Variants in RNF180 observed in about 807,000 individuals in gnomAD.
RNF180 encodes the protein ring finger protein 180.
In RNF180, 38 loss-of-function variants were observed where a neutral mutation model predicts 59.2. The observed-to-expected ratio is 0.64, with a 90% CI of 0.50 to 0.84. The LOEUF is 0.84. Among genes scored for constraint, RNF180 ranks in the 40% least tolerant of loss-of-function variants. RNF180 has a pLI of 0.00. For missense variants in RNF180, 705 were observed against 700.9 expected (o/e 1.01, Z -0.07); for synonymous variants, 262 against 240.3 (o/e 1.09, Z -0.84).
At chr5:64,359,491 T>C (rs909253278) in intron 7 of RNF180, among the ~76,000 whole-genome samples, 6 of 151,842 alleles carry the variant, frequency 4.0e-5, no homozygotes, top group African/African-American at 1.5e-4. Context: ...TGTTTGTTTT[T>C]TTCTTGTAAA....
At chr5:64,166,350 T>C (rs754921735) in intron 1 of RNF180, 1 of 152,686 alleles carries the variant, frequency 6.5e-6, no homozygotes, top group Non-Finnish European at 1.5e-5. Context: ...AACTGCGTCT[T>C]GTTTAATTTC....
chr5:64,213,759 T>C lies in RNF180; in HGVS notation c.433T>C (p.Ser145Pro). The change falls in exon 4 of 8, where the codon TCA becomes CCA. Residue 145 changes from serine (S) to proline (P), a missense_variant. Physicochemically the swap from Ser to Pro is moderately conservative, Grantham distance 74. Transcript: ENST00000389100. The part of the protein sequence containing the change: ...VKYLSHPRVQ[S>P]GCDKEALLTG... ...ATACTTGTCACATCCTAGAGTTCAG[T>C]CAGGTTGTGACAAGGAAGCTCTGCT... is the stretch of plus-strand genomic sequence containing the variant. 6.2e-7 allele frequency: 1 copy of C among 1,614,128 alleles called. No homozygotes were observed. Among genetic ancestry groups the C allele is most frequent in the East Asian group, 2.2e-5 (1 of 44,882 alleles).
Position 64,214,523 on chromosome 5 carries a change from A to G in RNF180, c.1191+6A>G. 6.2e-7 allele frequency: 1 copy of G among 1,605,198 alleles called. No individual in the cohort carries two copies. Among genetic ancestry groups the G allele is most frequent in the Non-Finnish European group, 8.5e-7 (1 of 1,175,042 alleles). On this transcript the variant is annotated splice_donor_region_variant and intron_variant, in intron 4 of 7. Transcript: ENST00000389100. Reference sequence around the variant, plus strand: ...AAAGATGGCTACAGAAGCAGGTAATATTTTTCAAAAGAGTTTACTAAAAAT... The same window carrying G: ...AAAGATGGCTACAGAAGCAGGTAATGTTTTTCAAAAGAGTTTACTAAAAAT...
chr5:64,346,351 C>CTTT (rs1745554217), intron 7 of RNF180, among the ~76,000 whole-genome samples: 3 of 53,610 alleles, frequency 5.6e-5, no homozygotes, highest in Admixed American at 1.8e-4. Context: ...TTCTTTTTTT[C>CTTT]TTTTCTTCTT....
chr5:64,178,318 C>G (rs1333667235), intron 1 of RNF180, among the ~76,000 whole-genome samples: 7 of 152,066 alleles, frequency 4.6e-5, no homozygotes, highest in Admixed American at 1.3e-4. Context: ...TTTTCCAGTC[C>G]TTTGATCTCC....
intron 5 of RNF180, among the ~76,000 whole-genome samples, chr5:64,253,370 GT>G (rs57108678): frequency 0.045 from 6,893 of 152,046 alleles, 508 homozygotes; most frequent in African/African-American, 0.15. Context: ...TATCCCTCTT[GT>G]CATTTAACCA....
intron 1 of RNF180, among the ~76,000 whole-genome samples, chr5:64,183,704 G>C (rs749047405): frequency 6.6e-6 from 1 of 152,022 alleles, no homozygotes; most frequent in Non-Finnish European, 1.5e-5. Context: ...CGCCTTGGCC[G>C]CTGAAAGTGC....
chr5:64,347,365 G>T (rs1269930929), intron 7 of RNF180, among the ~76,000 whole-genome samples: 4 of 152,180 alleles, frequency 2.6e-5, no homozygotes, highest in Non-Finnish European at 5.9e-5. Flanking sequence ...TATCAAGGTA[G>T]TCCCAGAAGA....
chr5:64,194,531 G>A (rs1345556338), intron 1 of RNF180, among the ~76,000 whole-genome samples: 1 of 152,294 alleles, frequency 6.6e-6, no homozygotes, highest in African/African-American at 2.4e-5. Context: ...GTAATGGGAT[G>A]GCTGGGTCAA....
At chr5:64,320,603 T>A (rs966365095) in intron 5 of RNF180, among the ~76,000 whole-genome samples, 7 of 152,226 alleles carry the variant, frequency 4.6e-5, no homozygotes, top group African/African-American at 1.7e-4. Context: ...CTGTGTCAGC[T>A]AACTATACTA....
chr5:64,325,550 C>G, intron 6 of RNF180, 139 bp downstream of exon 6: 1 of 661,446 alleles, frequency 1.5e-6, no homozygotes, highest in East Asian at 2.7e-5. Context: ...ACAGTACTTA[C>G]CCAACTCATA....
intron 7 of RNF180, among the ~76,000 whole-genome samples, chr5:64,366,366 C>A (rs1057015461): frequency 6.6e-6 from 1 of 151,480 alleles, no homozygotes; most frequent in Admixed American, 6.6e-5. Context: ...TGTAGGTGGT[C>A]TTTCTCTCTA....
At chr5:64,189,017 A>C (rs972437512) in intron 1 of RNF180, among the ~76,000 whole-genome samples, 1 of 152,074 alleles carries the variant, frequency 6.6e-6, no homozygotes, top group South Asian at 2.1e-4. Flanking sequence ...GAGACATCTG[A>C]AGTATACACA....
chr5:64,350,738 T>G (rs1745766778), intron 7 of RNF180, among the ~76,000 whole-genome samples: 1 of 152,172 alleles, frequency 6.6e-6, no homozygotes, highest in Non-Finnish European at 1.5e-5. Flanking sequence ...GTATTATTTC[T>G]GAGGGCTCTG....
At chr5:64,266,371 C>T (rs904229186) in intron 5 of RNF180, among the ~76,000 whole-genome samples, 2 of 151,592 alleles carry the variant, frequency 1.3e-5, no homozygotes, top group African/African-American at 4.8e-5. Flanking sequence ...ATTTAAATAT[C>T]GAATTCATTT....
chr5:64,226,188 C>T (rs554110021), intron 5 of RNF180, among the ~76,000 whole-genome samples: 30 of 152,226 alleles, frequency 2.0e-4, no homozygotes, highest in East Asian at 1.7e-3. Context: ...CCATCGAGAA[C>T]GGGCCATGAT....
intron 5 of RNF180, among the ~76,000 whole-genome samples, chr5:64,293,953 A>G (rs1471906765): frequency 6.6e-6 from 1 of 152,214 alleles, no homozygotes; most frequent in Non-Finnish European, 1.5e-5. Flanking sequence ...ATGCATAGTC[A>G]TATTCACTTT....
chr5:64,192,907 A>ATG (rs1701581736), intron 1 of RNF180, among the ~76,000 whole-genome samples: 1 of 48,810 alleles, frequency 2.0e-5, no homozygotes. Context: ...TGGCATGTAT[A>ATG]TATATATATA....
At chr5:64,226,614 C>A (rs1580056661) in intron 5 of RNF180, among the ~76,000 whole-genome samples, 1 of 151,938 alleles carries the variant, frequency 6.6e-6, no homozygotes, top group Admixed American at 6.5e-5. Flanking sequence ...TATCCTATGA[C>A]CCTGCCACAT....
Sources: gnomAD v4.1 joint callset for allele counts (sites outside exome capture counted in the v4.1 genomes callset) on GRCh38, gnomAD v4.1.1 for gene constraint, MANE v1.5 for transcripts, NCBI Gene and HGNC (gene_info 2026-07-23, HGNC 2026-07-21) for gene names.